Variants in SMARCA5 observed in about 807,000 individuals in gnomAD.
The protein encoded by SMARCA5 is SNF2 related chromatin remodeling ATPase 5.
In SMARCA5, 18 loss-of-function variants were observed where a neutral mutation model predicts 140.4. The ratio of observed to expected loss-of-function variants is 0.13; its 90% CI spans 0.09 to 0.19. The LOEUF is 0.19. SMARCA5 is among the 10% of genes least tolerant of loss of function. The pLI is 1.00. For missense variants in SMARCA5, 606 were observed against 1,276.8 expected (o/e 0.47, Z 8.01); for synonymous variants, 449 against 419.6 (o/e 1.07, Z -0.86).
At chr4:143,552,511 G>A (rs565224143) in intron 23 of SMARCA5, among the ~76,000 whole-genome samples, 7 of 152,058 alleles carry the variant, frequency 4.6e-5, no homozygotes, top group African/African-American at 1.7e-4. Context: ...ATGGGGCTTC[G>A]TGAAAATCAG....
intron 23 of SMARCA5, 82 bp from the exon 24 acceptor site, chr4:143,553,037 A>G (rs1411420225): frequency 1.9e-6 from 2 of 1,027,880 alleles, no homozygotes; most frequent in Admixed American, 1.8e-5. Context: ...AGTTGTTATT[A>G]CTAAAGTGTT....
intron 8 of SMARCA5, among the ~76,000 whole-genome samples, chr4:143,528,943 TA>T (rs569395100): frequency 4.3e-4 from 66 of 152,252 alleles, no homozygotes; most frequent in African/African-American, 1.4e-3. Context: ...ATTATTATTT[TA>T]TTTTTTTTGA....
intron 10 of SMARCA5, among the ~76,000 whole-genome samples, chr4:143,536,149 A>G (rs1737297902): frequency 6.6e-6 from 1 of 152,148 alleles, no homozygotes; most frequent in African/African-American, 2.4e-5. Flanking sequence ...GTTTTGCTTT[A>G]TTACTTAAAA....
chr4:143,529,066 C>G (rs879606021), intron 8 of SMARCA5, among the ~76,000 whole-genome samples: 1 of 152,172 alleles, frequency 6.6e-6, no homozygotes, highest in Non-Finnish European at 1.5e-5. Flanking sequence ...TTCCGAATAG[C>G]TGAGATCACA....
chr4:143,520,172 A>G (rs575893014), intron 2 of SMARCA5, among the ~76,000 whole-genome samples: 1 of 152,310 alleles, frequency 6.6e-6, no homozygotes, highest in Non-Finnish European at 1.5e-5. Context: ...GATTCCAAAC[A>G]TAATTACAAT....
chr4:143,539,983 A>T (rs571163536), intron 13 of SMARCA5, among the ~76,000 whole-genome samples: 2 of 152,336 alleles, frequency 1.3e-5, no homozygotes, highest in Admixed American at 1.3e-4. Flanking sequence ...GTATATAGTT[A>T]ATTGGGTAAT....
intron 6 of SMARCA5, 26 bp from the exon 7 acceptor site, chr4:143,527,842 T>G (rs766428681): frequency 6.3e-7 from 1 of 1,576,500 alleles, no homozygotes; most frequent in East Asian, 2.3e-5. Flanking sequence ...TTCTACGTGA[T>G]GTAATTTTTT....
rs774289679 is a variant in SMARCA5 at position 143,543,888 on chromosome 4, C to T, written c.2088C>T (p.Gly696=). 1.2e-5 allele frequency: 20 copies of T among 1,609,926 alleles called. No homozygotes were observed. Among genetic ancestry groups the T allele is most frequent in the Middle Eastern group, 1.7e-4 (1 of 6,020 alleles). ...TGAATGAAAAGCTCTCCAAGATGGG[C>T]GAAAGTTCACTTAGAAACTTTACAA... ...AEMNEKLSKM[G]ESSLRNFTMD... Residue 696 remains glycine (G), a synonymous_variant, in exon 16 of 24, where the codon GGC becomes GGT. Coordinates refer to ENST00000283131, the MANE Select transcript of SMARCA5 (RefSeq NM_003601.4).
At position 143,513,760 on chromosome 4, in the gene SMARCA5, G is replaced by A. The variant is rs973621870; in HGVS notation, c.-165G>A. The A allele has an allele frequency of 1.4e-6, 1 of 722,438 alleles. No individual in the cohort carries two copies. The highest frequency in any genetic ancestry group is 2.2e-6 in the Non-Finnish European group (1 of 450,910). 44.8% of individuals were successfully genotyped at this position (722,438 alleles called of 1,614,324 possible). On this transcript the variant is annotated 5_prime_UTR_variant, in exon 1 of 24. Transcript: ENST00000283131. ...AACGTTTGGGAGTGTGCAGCTCCTG[G>A]GCCCGGCTCAGGCCCGTCGCGGAGG...
In SMARCA5 at chr4:143,553,895, A is replaced by T. The variant is rs952418442; in HGVS notation, c.*711A>T. The T allele has an allele frequency of 1.3e-5, 2 of 151,280 alleles. No individual in the cohort carries two copies. The highest frequency in any genetic ancestry group is 4.9e-5 in the African/African-American group (2 of 41,232). 9.4% of individuals were successfully genotyped at this position (151,280 alleles called of 1,614,324 possible). ...TTGTAAAAGGAATATTATTATTATT[A>T]TTTTTAATTATTTGGTAAATATTTT... On this transcript the variant is annotated 3_prime_UTR_variant, in exon 24 of 24. Coordinates refer to ENST00000283131, the MANE Select transcript of SMARCA5 (RefSeq NM_003601.4).
intron 9 of SMARCA5, 85 bp downstream of exon 9, chr4:143,530,611 T>A: frequency 1.1e-6 from 1 of 880,724 alleles, no homozygotes; most frequent in South Asian, 1.5e-5. Flanking sequence ...TTCCTGTTAA[T>A]AAAAAACACA....
intron 10 of SMARCA5, 94 bp from the exon 11 acceptor site, chr4:143,536,358 G>A: frequency 1.3e-6 from 1 of 783,954 alleles, no homozygotes; most frequent in Non-Finnish European, 2.2e-6. Flanking sequence ...CAGATATTTG[G>A]GGGTTCATGT....
In SMARCA5 at chr4:143,528,986, G is replaced by T. The variant is rs181940506; in HGVS notation, c.1089+272G>T. ...GTCTCACTCTGTCACCTATGCTGAA[G>T]TGCAGTGGTGTGATCTTGGCTCACT... On this transcript the variant is annotated intron_variant, in intron 8 of 23. Transcript: ENST00000283131. Among the ~76,000 whole-genome samples, 668 of 152,128 alleles carry T rather than the reference G, an allele frequency of 4.4e-3. 4 individuals carry two copies. The highest frequency in any genetic ancestry group is 7.3e-3 in the Non-Finnish European group (499 of 68,000).
rs115761448 is a variant in SMARCA5, at chr4:143,532,931, A to G, written c.1159-1924A>G. ...TGGCAGTTGCTGCCGCCTGTTGACTAGGGCTGAACTAGCTTTTCTACGTGG... is the reference window on the plus strand; with the variant it reads ...TGGCAGTTGCTGCCGCCTGTTGACTGGGGCTGAACTAGCTTTTCTACGTGG... On this transcript the variant is annotated intron_variant, in intron 9 of 23. Coordinates refer to ENST00000283131, the MANE Select transcript of SMARCA5 (RefSeq NM_003601.4). Among the ~76,000 whole-genome samples, 979 of 152,298 alleles carry G rather than the reference A, an allele frequency of 6.4e-3. 14 individuals are homozygous for G. The highest frequency in any genetic ancestry group is 0.022 in the African/African-American group (923 of 41,564).
intron 11 of SMARCA5, among the ~76,000 whole-genome samples, chr4:143,537,787 A>T (rs1051153529): frequency 6.6e-6 from 1 of 151,952 alleles, no homozygotes; most frequent in Non-Finnish European, 1.5e-5. Context: ...GCATGGTGGC[A>T]TGCACCTGTA....
At chr4:143,514,953 G>T (rs1736796877) in intron 1 of SMARCA5, among the ~76,000 whole-genome samples, 1 of 152,276 alleles carries the variant, frequency 6.6e-6, no homozygotes, top group East Asian at 1.9e-4. Flanking sequence ...GAGGGGGCTG[G>T]AAAGATGGGG....
intron 13 of SMARCA5, among the ~76,000 whole-genome samples, chr4:143,539,340 C>CTATAT (rs1263179368): frequency 2.6e-5 from 4 of 152,180 alleles, no homozygotes; most frequent in African/African-American, 9.7e-5. Flanking sequence ...AGTTATATCA[C>CTATAT]AGGACCAAAG....
intron 6 of SMARCA5, 99 bp from the exon 7 acceptor site, chr4:143,527,769 G>A (rs780759158): frequency 4.9e-6 from 5 of 1,017,360 alleles, no homozygotes; most frequent in Non-Finnish European, 7.2e-6. Flanking sequence ...CTCCTTTTTA[G>A]TATTCCCACC....
intron 1 of SMARCA5, 53 bp downstream of exon 1, chr4:143,514,154 C>T (rs1195376826): frequency 2.8e-6 from 4 of 1,441,318 alleles, no homozygotes; most frequent in Non-Finnish European, 2.7e-6. Flanking sequence ...GAGGAGCTGG[C>T]TCCCTCGCCG....
Sources: allele counts gnomAD v4.1 joint callset (sites outside exome capture counted in the v4.1 genomes callset), GRCh38; gene constraint gnomAD v4.1.1; transcripts MANE v1.5; gene names NCBI Gene and HGNC (gene_info 2026-07-23, HGNC 2026-07-21).